HDAC9: variants seen among roughly 807,000 people sequenced by gnomAD.
The protein encoded by HDAC9 is MEF-2 interacting transcription repressor (MITR) protein.
A neutral mutation model predicts 139.4 loss-of-function variants in HDAC9; 41 were observed. That is an observed-to-expected ratio of 0.29 (90% CI 0.23 to 0.38). HDAC9 has a LOEUF of 0.38. Ranked by LOEUF, HDAC9 falls within the 10% of genes least tolerant of loss-of-function variation. The pLI is 1.00. For synonymous variants in HDAC9, 517 were observed against 476.2 expected (o/e 1.09, Z -1.12); for missense variants, 1,147 against 1,297.0 (o/e 0.88, Z 1.78).
intron 16 of HDAC9, among the ~76,000 whole-genome samples, chr7:18,783,661 CTTTT>C (rs11348285): frequency 6.8e-5 from 9 of 132,362 alleles, no homozygotes; most frequent in Non-Finnish European, 8.3e-5. Context: ...TCTGCTGAGA[CTTTT>C]TTTTTTTTTT....
intron 17 of HDAC9, among the ~76,000 whole-genome samples, chr7:18,805,049 G>A (rs1024981947): frequency 6.6e-6 from 1 of 152,126 alleles, no homozygotes; most frequent in Non-Finnish European, 1.5e-5. Context: ...TGCCTGCCTC[G>A]GCCTCCCGAA....
intron 23 of HDAC9, among the ~76,000 whole-genome samples, chr7:18,951,031 T>G (rs1782756476): frequency 2.6e-5 from 4 of 151,980 alleles, no homozygotes; most frequent in Admixed American, 2.6e-4. Context: ...GAGCTGTTTT[T>G]CATAGCTCAT....
intron 16 of HDAC9, among the ~76,000 whole-genome samples, chr7:18,777,874 G>A (rs1790913981): frequency 6.6e-6 from 1 of 151,910 alleles, no homozygotes; most frequent in Admixed American, 6.6e-5. Flanking sequence ...CTGATTCACA[G>A]CCTCACAGCA....
intron 2 of HDAC9, among the ~76,000 whole-genome samples, chr7:18,186,653 T>G (rs908413471): frequency 3.3e-5 from 5 of 152,264 alleles, no homozygotes; most frequent in African/African-American, 4.8e-5. Flanking sequence ...ATTAAATTCC[T>G]GGCTCTGCTC....
intron 12 of HDAC9, among the ~76,000 whole-genome samples, chr7:18,727,114 A>G (rs1246084506): frequency 6.6e-6 from 1 of 152,262 alleles, no homozygotes; most frequent in African/African-American, 2.4e-5. Flanking sequence ...AGAGACATCC[A>G]TAGAATTCAT....
chr7:18,697,594 C>A (rs1286178937), intron 12 of HDAC9, among the ~76,000 whole-genome samples: 4 of 152,110 alleles, frequency 2.6e-5, no homozygotes, highest in Non-Finnish European at 5.9e-5. Context: ...TGTAATACCA[C>A]CTATGTTAAG....
rs559683073 is a variant in HDAC9 at position 18,590,458 on chromosome 7, T to G, written c.387T>G (p.Pro129=). The change falls in exon 4 of 26, where the codon CCT becomes CCG. Residue 129 remains proline (P), a synonymous_variant. Coordinates refer to ENST00000686413, the MANE Select transcript of HDAC9 (RefSeq NM_178425.4). ...ERHRREQQLP[P]LRGKDRGRER... ...ATCGCAGAGAACAGCAGCTTCCTCC[T>G]CTCAGAGGCAAAGATAGAGGACGAG... 6 of 1,603,120 alleles carry G rather than the reference T, an allele frequency of 3.7e-6. No individual in the cohort carries two copies. The South Asian group carries it at 6.7e-5, about 18-fold the overall frequency.
chr7:18,679,378 A>T (rs1781735398), intron 12 of HDAC9, among the ~76,000 whole-genome samples: 1 of 152,006 alleles, frequency 6.6e-6, no homozygotes, highest in South Asian at 2.1e-4. Context: ...CTACAATTAC[A>T]TTGGTTAAAC....
At chr7:18,924,164 C>T (rs533718728) in intron 22 of HDAC9, among the ~76,000 whole-genome samples, 1 of 151,568 alleles carries the variant, frequency 6.6e-6, no homozygotes, top group Non-Finnish European at 1.5e-5. Flanking sequence ...CCTAACTATC[C>T]TATTGGGCTT....
chr7:18,567,776 T>C (rs1048355305), intron 2 of HDAC9, among the ~76,000 whole-genome samples: 1 of 152,058 alleles, frequency 6.6e-6, no homozygotes, highest in African/African-American at 2.4e-5. Flanking sequence ...GATCTATTAC[T>C]AGGGTGATAG....
At chr7:18,901,016 C>T (rs1179231390) in intron 22 of HDAC9, among the ~76,000 whole-genome samples, 1 of 151,956 alleles carries the variant, frequency 6.6e-6, no homozygotes, top group African/African-American at 2.4e-5. Context: ...GAAATATTCC[C>T]ACTGGCACAA....
chr7:18,648,914 C>T (rs939736520), intron 11 of HDAC9, among the ~76,000 whole-genome samples: 1 of 152,110 alleles, frequency 6.6e-6, no homozygotes, highest in Non-Finnish European at 1.5e-5. Flanking sequence ...TTCACAAGAT[C>T]TTTTTATGAT....
intron 2 of HDAC9, among the ~76,000 whole-genome samples, chr7:18,170,236 C>G (rs1418369568): frequency 1.3e-5 from 2 of 152,108 alleles, no homozygotes; most frequent in African/African-American, 2.4e-5. Flanking sequence ...TTTCGTGTGT[C>G]TATTGGCTTC....
intron 1 of HDAC9, among the ~76,000 whole-genome samples, chr7:18,375,556 C>T (rs980079773): frequency 6.6e-6 from 1 of 152,078 alleles, no homozygotes; most frequent in Non-Finnish European, 1.5e-5. Context: ...TTGTCCTTTC[C>T]TTTTCTCCTT....
At chr7:18,251,682 A>T (rs1297302859) in intron 2 of HDAC9, among the ~76,000 whole-genome samples, 1 of 152,242 alleles carries the variant, frequency 6.6e-6, no homozygotes, top group East Asian at 1.9e-4. Context: ...TTTACCTGCA[A>T]CTAAAGAAAA....
intron 17 of HDAC9, among the ~76,000 whole-genome samples, chr7:18,806,242 C>T (rs777097357): frequency 6.6e-6 from 1 of 152,158 alleles, no homozygotes; most frequent in Non-Finnish European, 1.5e-5. Context: ...AACAAATTAC[C>T]CCAAATTTGG....
intron 1 of HDAC9, among the ~76,000 whole-genome samples, chr7:18,104,945 T>C (rs1783104671): frequency 6.6e-6 from 1 of 152,056 alleles, no homozygotes; most frequent in African/African-American, 2.4e-5. Context: ...ATTTCTACTA[T>C]TATCTTAATC....
intron 1 of HDAC9, among the ~76,000 whole-genome samples, chr7:18,142,344 G>C (rs1785961122): frequency 6.6e-6 from 1 of 152,062 alleles, no homozygotes; most frequent in South Asian, 2.1e-4. Flanking sequence ...GATCCCCCAG[G>C]GAGCCCCTCA....
At chr7:18,710,986 A>G (rs1466590052) in intron 12 of HDAC9, among the ~76,000 whole-genome samples, 2 of 152,210 alleles carry the variant, frequency 1.3e-5, no homozygotes, top group Non-Finnish European at 2.9e-5. Context: ...AAAATTGGCA[A>G]TTTGATTTAC....
Sources: allele counts gnomAD v4.1 joint callset (sites outside exome capture counted in the v4.1 genomes callset), GRCh38; gene constraint gnomAD v4.1.1; transcripts MANE v1.5; gene names NCBI Gene and HGNC (gene_info 2026-07-23, HGNC 2026-07-21).